Variants in GDI2 observed in about 807,000 individuals in gnomAD.
GDI2 encodes rab GDP dissociation inhibitor beta.
GDI2 carries 22 observed loss-of-function variants against 54.2 expected under a neutral mutation model. The observed-to-expected ratio is 0.41, with a 90% CI of 0.29 to 0.58. The LOEUF (loss-of-function observed/expected upper bound fraction) is 0.58, where lower values mean the gene tolerates loss of function less well. Among genes scored for constraint, GDI2 ranks in the 20% least tolerant of loss-of-function variants. The probability of loss-of-function intolerance (pLI) is 0.35; values close to 1 mark genes in which losing one functional copy is unlikely to be tolerated. For synonymous variants in GDI2, 177 were observed against 182.1 expected (o/e 0.97, Z 0.23); for missense variants, 422 against 546.0 (o/e 0.77, Z 2.26).
chr10:5,783,822 G>A (rs930622133), intron 6 of GDI2, among the ~76,000 whole-genome samples: 5 of 152,142 alleles, frequency 3.3e-5, no homozygotes, highest in African/African-American at 1.2e-4. Flanking sequence ...AATCTGATAG[G>A]TTTTCCTTTA....
intron 4 of GDI2, 21 bp downstream of exon 4, chr10:5,794,842 TGAGAAAATAAAACTAGTTACTA>T: frequency 2.2e-6 from 3 of 1,353,508 alleles, no homozygotes; most frequent in Non-Finnish European, 3.1e-6. Flanking sequence ...CTCATTATTC[TGAGAAAATAAAACTAGTTACTA>T]GAGAAAATAA....
intron 1 of GDI2, among the ~76,000 whole-genome samples, 158 bp downstream of exon 1, chr10:5,813,056 C>A (rs1464586389): frequency 6.6e-6 from 1 of 152,152 alleles, no homozygotes. Context: ...CGGGGCGCCC[C>A]TGAACCCGCC....
At position 5,770,217 on chromosome 10, in the gene GDI2, G is replaced by A. The variant is rs370518612; in HGVS notation, c.820-1833C>T. Among the ~76,000 whole-genome samples the A allele has an allele frequency of 3.9e-4, 59 of 152,320 alleles. 2 individuals carry two copies. The South Asian group carries it at 0.011, about 28-fold the overall frequency. On this transcript the variant is annotated intron_variant, in intron 7 of 10. Transcript: ENST00000380191. The stretch of plus-strand genomic sequence containing the variant: ...GTAGAATGGTGCTTGCCAGTGGCTG[G>A]AAGCAGAGAACGAGGAGTTATTACT...
chr10:5,802,153 CTTTT>C (rs1004278650), intron 1 of GDI2, among the ~76,000 whole-genome samples: 2 of 151,948 alleles, frequency 1.3e-5, no homozygotes, highest in Non-Finnish European at 2.9e-5. Flanking sequence ...GAACTAGCCG[CTTTT>C]TTTTATGAAT....
chr10:5,800,535 A>C, intron 2 of GDI2, 63 bp downstream of exon 2: 4 of 821,374 alleles, frequency 4.9e-6, no homozygotes, highest in Non-Finnish European at 6.6e-6. Flanking sequence ...GGAATAAGGT[A>C]GAGATTCACA....
At chr10:5,779,095 G>A (rs764304231) in intron 6 of GDI2, among the ~76,000 whole-genome samples, 2 of 152,144 alleles carry the variant, frequency 1.3e-5, no homozygotes, top group South Asian at 2.1e-4. Context: ...TACGTTCAAG[G>A]ATATTATATG....
intron 7 of GDI2, among the ~76,000 whole-genome samples, chr10:5,773,520 C>T (rs551492091): frequency 6.6e-6 from 1 of 152,064 alleles, no homozygotes; most frequent in Admixed American, 6.5e-5. Flanking sequence ...AAACCCCACC[C>T]GTGTAGGTGG....
Position 5,800,645 on chromosome 10 carries a change from T to C in GDI2, c.106A>G (p.Asn36Asp). 1.2e-6 allele frequency: 2 copies of C among 1,601,822 alleles called. No individual in the cohort carries two copies. The highest frequency in any genetic ancestry group is 1.7e-6 in the Non-Finnish European group (2 of 1,168,722). Reference sequence around the variant, plus strand: ...GCACTCTCTCCTCCGTAGTAAGGGTTTCGATCCATATGAAGAACTTTCTTG... The same window carrying C: ...GCACTCTCTCCTCCGTAGTAAGGGTCTCGATCCATATGAAGAACTTTCTTG... ...NGKKVLHMDR[N>D]PYYGGESASI... Residue 36 changes from asparagine (N) to aspartate (D), a missense_variant, in exon 2 of 11, where the codon AAC (asparagine) becomes GAC (aspartate). Asn to Asp is a conservative substitution (Grantham distance 23). Transcript: ENST00000380191.
At chr10:5,790,059 A>C (rs187828512) in intron 4 of GDI2, among the ~76,000 whole-genome samples, 2 of 152,332 alleles carry the variant, frequency 1.3e-5, no homozygotes, top group East Asian at 3.9e-4. Flanking sequence ...CACTGAGTAA[A>C]ACGTAGGACC....
intron 4 of GDI2, among the ~76,000 whole-genome samples, chr10:5,788,530 G>T (rs1433035574): frequency 1.3e-5 from 2 of 152,048 alleles, no homozygotes; most frequent in Non-Finnish European, 1.5e-5. Context: ...CCTGGGCCAC[G>T]TTGGAAGAAA....
intron 8 of GDI2, among the ~76,000 whole-genome samples, chr10:5,767,603 TG>T (rs1255258233): frequency 1.3e-5 from 2 of 151,954 alleles, no homozygotes. Flanking sequence ...ATTTCTTATA[TG>T]GGGGAAAAAA....
chr10:5,791,322 T>C (rs1211432103), intron 4 of GDI2, among the ~76,000 whole-genome samples: 1 of 151,818 alleles, frequency 6.6e-6, no homozygotes, highest in East Asian at 1.9e-4. Flanking sequence ...ATAATAAATG[T>C]TCTGGGGCCG....
At position 5,776,877 on chromosome 10, in the gene GDI2, G is replaced by A; in HGVS notation, c.720-2936C>T. On this transcript the variant is annotated intron_variant, in intron 6 of 10. Coordinates refer to ENST00000380191, the MANE Select transcript of GDI2 (RefSeq NM_001494.4). This position sits in a 1 kb window ranked among gnomAD's most constrained non-coding sequence, Gnocchi z 5.3. ...TGAATAATTAAAATGGAAGGCCAGA[G>A]AAGAGGGGAGAAGAGGAAATAATGC... 2.1e-6 allele frequency: 2 copies of A among 971,938 alleles called. No individual in the cohort carries two copies. The highest frequency in any genetic ancestry group is 3.0e-6 in the Non-Finnish European group (2 of 659,676). The allele number at this position is 971,938 out of a possible 1,614,324, so 60.2% of individuals were successfully genotyped here. A position where few individuals can be genotyped will look rare whatever the true frequency, so the allele number is the denominator to read the frequency against.
chr10:5,774,250 C>T lies in GDI2; in HGVS notation c.720-309G>A, dbSNP rs991709359. On this transcript the variant is annotated intron_variant, in intron 6 of 10. Transcript: ENST00000380191. This position sits in a 1 kb window ranked among gnomAD's most constrained non-coding sequence, Gnocchi z 4.8. ...CCTAAAGCTTTTCAATAAACGTCCA[C>T]TCCTGCTCTAAAACTTGCCTCAGTC... 2.0e-5 allele frequency among the ~76,000 whole-genome samples: 3 copies of T among 152,192 alleles called. No homozygotes were observed. The highest frequency in any genetic ancestry group is 2.9e-5 in the Non-Finnish European group (2 of 68,046).
In GDI2 at chr10:5,773,950, T is replaced by A. The variant is rs545899386; in HGVS notation, c.720-9A>T. ...CATAAATAGCACTTAGCCTGGAAAA[T>A]TTTTAAAATCCCAATTAATAATATA... On this transcript the variant is annotated splice_polypyrimidine_tract_variant and intron_variant, in intron 6 of 10. Coordinates refer to ENST00000380191, the MANE Select transcript of GDI2 (RefSeq NM_001494.4). The A allele has an allele frequency of 2.4e-6, 3 of 1,239,390 alleles. No homozygotes were observed. Among genetic ancestry groups the A allele is most frequent in the African/African-American group, 1.5e-5 (1 of 66,364 alleles). 76.8% of individuals were successfully genotyped at this position (1,239,390 alleles called of 1,614,324 possible).
At chr10:5,809,106 A>G (rs1207352819) in intron 1 of GDI2, among the ~76,000 whole-genome samples, 1 of 151,942 alleles carries the variant, frequency 6.6e-6, no homozygotes, top group Non-Finnish European at 1.5e-5. Flanking sequence ...TTAGCTGGGC[A>G]TGGTGGCAGG....
At position 5,776,819 on chromosome 10, in the gene GDI2, CTTA is replaced by C; in HGVS notation, c.720-2881_720-2879del. ...GGATTTTCCATCTCCAGAACTTCCCCTTATGGAGCTGAGGATATTCTGAAAGGA... is the reference window on the plus strand; with the variant it reads ...GGATTTTCCATCTCCAGAACTTCCCCTGGAGCTGAGGATATTCTGAAAGGA... On this transcript the variant is annotated intron_variant, in intron 6 of 10. Coordinates refer to ENST00000380191, the MANE Select transcript of GDI2 (RefSeq NM_001494.4). The surrounding 1 kb of genome is among the most constrained non-coding windows in gnomAD (Gnocchi z 5.3). The C allele has an allele frequency of 6.9e-7, 1 of 1,448,074 alleles. No individual in the cohort carries two copies. The highest frequency in any genetic ancestry group is 9.5e-7 in the Non-Finnish European group (1 of 1,048,252). 89.7% of individuals were successfully genotyped at this position (1,448,074 alleles called of 1,614,324 possible). A position where few individuals can be genotyped will look rare whatever the true frequency, so the allele number is the denominator to read the frequency against.
rs2131679728 is a variant in GDI2, at chr10:5,768,157, A to G, written c.991+56T>C. 1.4e-6 allele frequency: 2 copies of G among 1,461,158 alleles called. No individual in the cohort carries two copies. The highest frequency in any genetic ancestry group is 1.9e-6 in the Non-Finnish European group (2 of 1,049,384). 90.5% of individuals were successfully genotyped at this position (1,461,158 alleles called of 1,614,324 possible). On this transcript the variant is annotated intron_variant, in intron 8 of 10. Transcript: ENST00000380191. This position sits in a 1 kb window ranked among gnomAD's most constrained non-coding sequence, Gnocchi z 4.4. ...AAATTAGGAATTTGGGATAAAACAC[A>G]AAGCAAATTATATCTTACAAAATTC... is the stretch of plus-strand genomic sequence containing the variant.
At position 5,766,679 on chromosome 10, in the gene GDI2, C is replaced by T. The variant is rs766918582; in HGVS notation, c.992-41G>A. 16 of 1,561,680 alleles carry T rather than the reference C, an allele frequency of 1.0e-5. No homozygotes were observed. The Admixed American group carries it at 2.7e-4, about 26-fold the overall frequency. ...ACCAGCTCACTGCCTCAAGTGTCTCCATCTGGGACCCAACATACTCAGGTA... is the reference window on the plus strand; with the variant it reads ...ACCAGCTCACTGCCTCAAGTGTCTCTATCTGGGACCCAACATACTCAGGTA... On this transcript the variant is annotated intron_variant, in intron 8 of 10. Transcript: ENST00000380191. The surrounding 1 kb of genome is among the most constrained non-coding windows in gnomAD (Gnocchi z 5.8).
Sources: allele counts gnomAD v4.1 joint callset (sites outside exome capture counted in the v4.1 genomes callset), GRCh38; gene constraint gnomAD v4.1.1; non-coding constraint Gnocchi (gnomAD v3.1); transcripts MANE v1.5; gene names NCBI Gene and HGNC (gene_info 2026-07-23, HGNC 2026-07-21).